The following SLC35F1 variants were observed in gnomAD, a reference collection of about 807,000 sequenced individuals.
SLC35F1 encodes the protein chromosome 6 open reading frame 169.
A neutral mutation model predicts 48.7 loss-of-function variants in SLC35F1; 14 were observed. The observed-to-expected ratio is 0.29, with a 90% CI of 0.19 to 0.45. SLC35F1 has a LOEUF of 0.45. Among genes scored for constraint, SLC35F1 ranks in the 20% least tolerant of loss-of-function variants. SLC35F1 has a pLI of 1.00. For missense variants in SLC35F1, 404 were observed against 500.0 expected, an observed-to-expected ratio of 0.81 and a Z score of 1.83; for synonymous variants, 190 against 202.2, an observed-to-expected ratio of 0.94 and a Z score of 0.51.
chr6:118,096,081 A>G (rs1773172355), intron 1 of SLC35F1, among the ~76,000 whole-genome samples: 2 of 152,236 alleles, frequency 1.3e-5, no homozygotes, highest in Admixed American at 1.3e-4. Context: ...AATTGAATCA[A>G]TGAAAGATTG....
chr6:118,173,211 A>G (rs758428370), intron 2 of SLC35F1, among the ~76,000 whole-genome samples: 1 of 152,102 alleles, frequency 6.6e-6, no homozygotes, highest in Non-Finnish European at 1.5e-5. Flanking sequence ...AACAAAAACA[A>G]GCCTGATAAG....
intron 2 of SLC35F1, among the ~76,000 whole-genome samples, chr6:118,207,821 A>G (rs753198568): frequency 1.3e-4 from 20 of 152,156 alleles, no homozygotes; most frequent in Admixed American, 9.2e-4. Context: ...GCAGATAAAG[A>G]CCTTTTTTCC....
At chr6:118,000,819 A>G (rs1777081284) in intron 1 of SLC35F1, among the ~76,000 whole-genome samples, 1 of 152,206 alleles carries the variant, frequency 6.6e-6, no homozygotes, top group Non-Finnish European at 1.5e-5. Context: ...ACAAACAGAG[A>G]GCCAAATCAT....
In SLC35F1 at chr6:118,316,877, G is replaced by T. The variant is rs1415217615; in HGVS notation, c.*2625G>T. On this transcript the variant is annotated 3_prime_UTR_variant, in exon 8 of 8. Coordinates refer to ENST00000360388, the MANE Select transcript of SLC35F1 (RefSeq NM_001029858.4). ...CATTTAGAAAGGTTGATAATATATTGAATTGTTCAAGATCAGGAGTTCCAG... is the reference window on the plus strand; with the variant it reads ...CATTTAGAAAGGTTGATAATATATTTAATTGTTCAAGATCAGGAGTTCCAG... 6.6e-6 allele frequency: 1 copy of T among 152,176 alleles called. No individual in the cohort carries two copies. Among genetic ancestry groups the T allele is most frequent in the Non-Finnish European group, 1.5e-5 (1 of 67,998 alleles). The allele number at this position is 152,176 out of a possible 1,614,324, so 9.4% of individuals were successfully genotyped here. A position where few individuals can be genotyped will look rare whatever the true frequency, so the allele number is the denominator to read the frequency against.
At chr6:118,124,573 C>T (rs1320717435) in intron 1 of SLC35F1, among the ~76,000 whole-genome samples, 1 of 152,138 alleles carries the variant, frequency 6.6e-6, no homozygotes, top group Non-Finnish European at 1.5e-5. Flanking sequence ...GACCTACTGA[C>T]TGAGGTCATA....
At chr6:118,190,932 A>C (rs951328887) in intron 2 of SLC35F1, among the ~76,000 whole-genome samples, 2 of 152,150 alleles carry the variant, frequency 1.3e-5, no homozygotes, top group African/African-American at 4.8e-5. Context: ...TGTTTCGCCA[A>C]TTCTATTATT....
At chr6:118,198,935 C>T (rs1469154053) in intron 2 of SLC35F1, among the ~76,000 whole-genome samples, 3 of 152,160 alleles carry the variant, frequency 2.0e-5, no homozygotes, top group South Asian at 2.1e-4. Context: ...GGCCAAGCAA[C>T]GTTATGACTC....
At chr6:118,233,673 T>C (rs1425864202) in intron 2 of SLC35F1, among the ~76,000 whole-genome samples, 1 of 152,164 alleles carries the variant, frequency 6.6e-6, no homozygotes, top group African/African-American at 2.4e-5. Context: ...GCACCCAGTC[T>C]AGTGAAGAGT....
chr6:117,923,495 A>T (rs139418542), intron 1 of SLC35F1, among the ~76,000 whole-genome samples: 1,899 of 14,810 alleles, frequency 0.13, 57 homozygotes, highest in African/African-American at 0.27. Flanking sequence ...TATATATATA[A>T]AATATATATA....
At chr6:117,914,030 A>C (rs533947600) in intron 1 of SLC35F1, among the ~76,000 whole-genome samples, 64 of 152,224 alleles carry the variant, frequency 4.2e-4, no homozygotes, top group African/African-American at 1.5e-3. Flanking sequence ...CAGCCTGGGC[A>C]ACAGAGTGAA....
At chr6:117,911,467 G>C (rs1201126810) in intron 1 of SLC35F1, among the ~76,000 whole-genome samples, 1 of 135,892 alleles carries the variant, frequency 7.4e-6, no homozygotes, top group Non-Finnish European at 1.5e-5. Flanking sequence ...GCAGGATCTT[G>C]GTCTGTTGCC....
intron 1 of SLC35F1, among the ~76,000 whole-genome samples, chr6:117,935,057 A>G (rs528697553): frequency 6.6e-6 from 1 of 152,332 alleles, no homozygotes; most frequent in African/African-American, 2.4e-5. Flanking sequence ...CAGTTAGCTA[A>G]GATCACACCA....
At position 118,275,469 on chromosome 6, in the gene SLC35F1, G is replaced by T; in HGVS notation, c.648G>T (p.Lys216Asn). Residue 216 changes from lysine (K) to asparagine (N), a missense_variant, in exon 5 of 8, where the codon AAG becomes AAT. By Grantham distance (94) the Lys-to-Asn change is moderately conservative. Transcript: ENST00000360388. ...VGRHQGAGEN[K>N]LVGDLLVLGG... ...TTGGTTGGTTCCTAGGGGAAAATAA[G>T]CTGGTAGGGGACCTTCTGGTCTTAG... 1.9e-6 allele frequency: 3 copies of T among 1,611,188 alleles called. No individual in the cohort carries two copies. Among genetic ancestry groups the T allele is most frequent in the Non-Finnish European group, 2.5e-6 (3 of 1,178,770 alleles).
At chr6:118,111,706 G>C (rs565399137) in intron 1 of SLC35F1, among the ~76,000 whole-genome samples, 1 of 152,114 alleles carries the variant, frequency 6.6e-6, no homozygotes, top group Non-Finnish European at 1.5e-5. Context: ...ATTCTTAATT[G>C]ATCTAACAGA....
At chr6:118,064,355 T>C (rs966383854) in intron 1 of SLC35F1, among the ~76,000 whole-genome samples, 18 of 152,306 alleles carry the variant, frequency 1.2e-4, no homozygotes, top group African/African-American at 3.8e-4. Flanking sequence ...CTGTGAGCAT[T>C]TTAATTTAAT....
chr6:118,229,133 G>A (rs935842231), intron 2 of SLC35F1, among the ~76,000 whole-genome samples: 1 of 151,808 alleles, frequency 6.6e-6, no homozygotes, highest in Non-Finnish European at 1.5e-5. Context: ...ACATTTATTA[G>A]CCACTACCAC....
At chr6:118,098,786 A>T (rs772336279) in intron 1 of SLC35F1, among the ~76,000 whole-genome samples, 7 of 152,178 alleles carry the variant, frequency 4.6e-5, no homozygotes, top group Non-Finnish European at 7.4e-5. Context: ...GGTACTATTG[A>T]TGTGAAAGAA....
intron 1 of SLC35F1, among the ~76,000 whole-genome samples, chr6:117,935,137 C>A (rs1419497671): frequency 2.0e-5 from 3 of 152,106 alleles, no homozygotes; most frequent in Non-Finnish European, 4.4e-5. Context: ...AAACTACTCA[C>A]TTAACCATCT....
intron 1 of SLC35F1, among the ~76,000 whole-genome samples, chr6:118,002,935 C>G (rs1043589549): frequency 6.6e-6 from 1 of 152,152 alleles, no homozygotes; most frequent in Non-Finnish European, 1.5e-5. Context: ...TGTGCATTCT[C>G]AAGGGTTACT....
Sources: allele counts gnomAD v4.1 joint callset (sites outside exome capture counted in the v4.1 genomes callset), GRCh38; gene constraint gnomAD v4.1.1; transcripts MANE v1.5; gene names NCBI Gene and HGNC (gene_info 2026-07-23, HGNC 2026-07-21).